The following ZNF81 variants were observed in gnomAD, a reference collection of about 807,000 sequenced individuals.
The protein encoded by ZNF81 is zinc finger protein 81, also known as zinc finger protein 81 (HFZ20).
ZNF81 carries 5 observed loss-of-function variants against 32.3 expected under a neutral mutation model. The ratio of observed to expected loss-of-function variants is 0.15; its 90% CI spans 0.08 to 0.33. The LOEUF (loss-of-function observed/expected upper bound fraction) is 0.33. ZNF81 is among the 10% of genes least tolerant of loss of function. ZNF81 has a pLI of 1.00. For synonymous variants in ZNF81, 163 were observed against 166.8 expected (o/e 0.98, Z 0.17); for missense variants, 379 against 479.8 (o/e 0.79, Z 1.96).
At chrX:47,879,699 GA>G (rs1303230415) in intron 2 of ZNF81, among the ~76,000 whole-genome samples, 1 of 112,056 alleles carries the variant, frequency 8.9e-6, no homozygotes, top group Non-Finnish European at 1.9e-5. Context: ...GTTCTGGAGG[GA>G]GACTCTGTCT....
chrX:47,919,372 T>C lies in ZNF81; in HGVS notation c.*2740T>C. On this transcript the variant is annotated 3_prime_UTR_variant, in exon 5 of 5. Coordinates refer to ENST00000338637, the MANE Select transcript of ZNF81 (RefSeq NM_007137.5). ...ACTGCTGAACCCATTGAAGGCATTC[T>C]TCAACTCAGTTATGTTTTATTTTTA... is the stretch of plus-strand genomic sequence containing the variant. 5.1e-6 allele frequency: 1 copy of C among 196,013 alleles called. No homozygotes were observed. 16.2% of individuals were successfully genotyped at this position (196,013 alleles called of 1,213,427 possible). A position where few individuals can be genotyped will look rare whatever the true frequency, so the allele number is the denominator to read the frequency against.
chrX:47,859,267 A>T (rs186062739), intron 2 of ZNF81, among the ~76,000 whole-genome samples: 3 of 111,432 alleles, frequency 2.7e-5, no homozygotes, highest in African/African-American at 9.8e-5. Flanking sequence ...TGTTATTTCA[A>T]TAATTCTTTT....
chrX:47,853,434 C>G (rs2058503778), intron 2 of ZNF81, among the ~76,000 whole-genome samples: 1 of 111,930 alleles, frequency 8.9e-6, no homozygotes, highest in Non-Finnish European at 1.9e-5. Context: ...CCTGCCTTGG[C>G]CCCCCAAAGT....
At chrX:47,892,077 T>G (rs782322133) in intron 3 of ZNF81, among the ~76,000 whole-genome samples, 1 of 111,618 alleles carries the variant, frequency 9.0e-6, no homozygotes, top group Non-Finnish European at 1.9e-5. Flanking sequence ...CCTCTACTTA[T>G]ACAGATCAAC....
chrX:47,862,523 C>CAAA (rs5902400), intron 2 of ZNF81, among the ~76,000 whole-genome samples: 1 of 76,635 alleles, frequency 1.3e-5, no homozygotes. Context: ...GACTCCGTCT[C>CAAA]AAAAAAAAAA....
At chrX:47,889,294 T>G (rs2058654175) in intron 3 of ZNF81, among the ~76,000 whole-genome samples, 1 of 111,809 alleles carries the variant, frequency 8.9e-6, no homozygotes, top group African/African-American at 3.3e-5. Flanking sequence ...CAGGAGAAAA[T>G]GAAGGAAGGC....
intron 2 of ZNF81, among the ~76,000 whole-genome samples, chrX:47,855,582 C>CT (rs1306567444): frequency 2.7e-5 from 3 of 111,158 alleles, no homozygotes; most frequent in Non-Finnish European, 5.7e-5. Flanking sequence ...TCTGATTACC[C>CT]TTTTTTTCAG....
chrX:47,864,280 C>T (rs781903963), intron 2 of ZNF81, among the ~76,000 whole-genome samples: 35 of 111,846 alleles, frequency 3.1e-4, no homozygotes, highest in Admixed American at 7.6e-4. Flanking sequence ...AATACCTTGA[C>T]ATCAGCCCAT....
chrX:47,899,624 G>A (rs1235443056), intron 4 of ZNF81, among the ~76,000 whole-genome samples: 1 of 110,589 alleles, frequency 9.0e-6, no homozygotes, highest in East Asian at 2.8e-4. Context: ...GAGTTATGAA[G>A]TGTTCCCTTC....
chrX:47,871,539 C>A (rs1243195776), intron 2 of ZNF81, among the ~76,000 whole-genome samples: 1 of 111,781 alleles, frequency 8.9e-6, no homozygotes, highest in Non-Finnish European at 1.9e-5. Flanking sequence ...TCAGAAAAAT[C>A]AGGTTGCTGC....
At chrX:47,838,855 T>C (rs145842856) in intron 1 of ZNF81, among the ~76,000 whole-genome samples, 1,307 of 112,096 alleles carry the variant, frequency 0.012, 8 homozygotes, top group Non-Finnish European at 0.018. Context: ...GGTGTGACCA[T>C]GGCTTACTGC....
chrX:47,912,622 A>T (rs1556890059), intron 4 of ZNF81, among the ~76,000 whole-genome samples: 1 of 109,048 alleles, frequency 9.2e-6, no homozygotes, highest in African/African-American at 3.3e-5. Context: ...ATTGCTCATG[A>T]TTGTTCAGGA....
intron 1 of ZNF81, among the ~76,000 whole-genome samples, chrX:47,840,316 C>T (rs2058442351): frequency 9.6e-6 from 1 of 103,974 alleles, no homozygotes; most frequent in Non-Finnish European, 2.0e-5. Context: ...CATTAACCAA[C>T]ATTAAACCCT....
chrX:47,852,435 T>C (rs1428218358), intron 2 of ZNF81, among the ~76,000 whole-genome samples: 1 of 112,419 alleles, frequency 8.9e-6, no homozygotes, highest in African/African-American at 3.2e-5. Flanking sequence ...CCTTTCAAAA[T>C]TGGAGTCAAT....
intron 2 of ZNF81, among the ~76,000 whole-genome samples, chrX:47,865,263 A>C (rs1556883099): frequency 8.9e-6 from 1 of 111,965 alleles, no homozygotes; most frequent in African/African-American, 3.2e-5. Flanking sequence ...CTACCTTGTT[A>C]GTCATCAAGT....
intron 4 of ZNF81, 31 bp downstream of exon 4, chrX:47,895,971 C>T (rs2058678492): frequency 2.8e-6 from 3 of 1,080,838 alleles, no homozygotes. Flanking sequence ...CAGATGGGGA[C>T]ACGAAGTAAT....
At chrX:47,862,450 G>A (rs960336404) in intron 2 of ZNF81, among the ~76,000 whole-genome samples, 1 of 108,534 alleles carries the variant, frequency 9.2e-6, no homozygotes, top group African/African-American at 3.4e-5. Context: ...ATGAACCTGG[G>A]AGGCAGAGGT....
Position 47,888,026 on chromosome X carries a change from G to A in ZNF81, c.82G>A (p.Val28Met), listed in dbSNP as rs1556886012. The A allele has an allele frequency of 8.3e-7, 1 of 1,211,180 alleles. No homozygotes were observed. The highest frequency in any genetic ancestry group is 1.1e-6 in the Non-Finnish European group (1 of 895,311). ...EVSVSFEDVT[V>M]DFSREEWQQL... ...ATCAGTGTCATTTGAGGATGTGACT[G>A]TGGACTTCAGTAGAGAGGAGTGGCA... The change falls in exon 3 of 5, where the codon GTG becomes ATG. Residue 28 changes from valine (V) to methionine (M), a missense_variant. Val to Met is a conservative substitution (Grantham distance 21). This residue lies in a region of ZNF81 where 277 missense variants were observed against 306.6 expected (regional missense o/e 0.90). Coordinates refer to ENST00000338637, the MANE Select transcript of ZNF81 (RefSeq NM_007137.5).
In ZNF81 at chrX:47,916,124, C is replaced by T; in HGVS notation, c.1478C>T (p.Thr493Ile). The change falls in exon 5 of 5, where the codon ACA becomes ATA. Residue 493 changes from threonine to isoleucine, a missense_variant. This residue lies in a region of ZNF81 where 102 missense variants were observed against 173.2 expected (regional missense o/e 0.59). Coordinates refer to ENST00000338637, the MANE Select transcript of ZNF81 (RefSeq NM_007137.5). ...CTCCAGATGCATAAGAGAATTCATA[C>T]AGGAGAGAAACCCTATATATGCACT... ...SQLQMHKRIHTGEKPYICTEC... is the reference protein window; with the variant it reads ...SQLQMHKRIHIGEKPYICTEC... 8.3e-7 allele frequency: 1 copy of T among 1,211,424 alleles called. No homozygotes were observed. The highest frequency in any genetic ancestry group is 1.1e-6 in the Non-Finnish European group (1 of 895,391).
Sources: gnomAD v4.1 joint callset for allele counts (sites outside exome capture counted in the v4.1 genomes callset) on GRCh38, gnomAD v4.1.1 for gene constraint, gnomAD v4.1.1 regional missense constraint, MANE v1.5 for transcripts, NCBI Gene and HGNC (gene_info 2026-07-23, HGNC 2026-07-21) for gene names.